The following ADAT2 variants were observed in gnomAD, a reference collection of about 807,000 sequenced individuals.
ADAT2 encodes tRNA-specific adenosine-34 deaminase catalytic subunit ADAT2.
A neutral mutation model predicts 25.9 loss-of-function variants in ADAT2; 26 were observed. The ratio of observed to expected loss-of-function variants is 1.00; its 90% CI spans 0.74 to 1.39. ADAT2 has a LOEUF of 1.39. Ranked by LOEUF, ADAT2 falls within the 40% of genes most tolerant of loss-of-function variation. The pLI, the probability that ADAT2 is intolerant of heterozygous loss-of-function variation, is 0.00. For synonymous variants in ADAT2, 76 were observed against 86.8 expected (o/e 0.88, Z 0.69); for missense variants, 220 against 244.8 (o/e 0.90, Z 0.68).
At chr6:143,430,429 C>G (rs946438019) in intron 4 of ADAT2, among the ~76,000 whole-genome samples, 1 of 152,146 alleles carries the variant, frequency 6.6e-6, no homozygotes, top group African/African-American at 2.4e-5. Flanking sequence ...AACGGGCAGT[C>G]CGGGATGAGA....
Position 143,450,683 on chromosome 6 carries a change from G to A in ADAT2, c.-25C>T. 1 of 1,609,558 alleles carries A rather than the reference G, an allele frequency of 6.2e-7. No individual in the cohort carries two copies. The highest frequency in any genetic ancestry group is 8.5e-7 in the Non-Finnish European group (1 of 1,178,576). On this transcript the variant is annotated 5_prime_UTR_variant, in exon 1 of 6. Coordinates refer to ENST00000237283, the MANE Select transcript of ADAT2 (RefSeq NM_182503.3). Reference sequence around the variant, plus strand: ...TACCCAGCCACCACTCAGCTACAGAGCCCGCGGCAGAGGAGGAGCGCGGGC... The same window carrying A: ...TACCCAGCCACCACTCAGCTACAGAACCCGCGGCAGAGGAGGAGCGCGGGC...
At chr6:143,449,390 A>G (rs1194145101) in intron 1 of ADAT2, among the ~76,000 whole-genome samples, 9 of 152,194 alleles carry the variant, frequency 5.9e-5, no homozygotes, top group Non-Finnish European at 1.0e-4. Flanking sequence ...AGATGTTTTC[A>G]AAGAATTTCT....
chr6:143,438,463 A>G (rs758805605), intron 2 of ADAT2, 127 bp downstream of exon 2: 4 of 558,958 alleles, frequency 7.2e-6, no homozygotes, highest in Non-Finnish European at 1.2e-5. Flanking sequence ...AGACGTTAAG[A>G]AAAGCTACCC....
chr6:143,439,108 T>C (rs1370584728), intron 1 of ADAT2, among the ~76,000 whole-genome samples: 1 of 152,098 alleles, frequency 6.6e-6, no homozygotes, highest in African/African-American at 2.4e-5. Flanking sequence ...CCTTTGCTTC[T>C]CTAAAAATTA....
At chr6:143,431,134 C>A (rs1378905266) in intron 4 of ADAT2, among the ~76,000 whole-genome samples, 1 of 152,202 alleles carries the variant, frequency 6.6e-6, no homozygotes, top group African/African-American at 2.4e-5. Context: ...TTTAAAAAAA[C>A]CATAATTTGG....
chr6:143,450,572 C>T lies in ADAT2; in HGVS notation c.87G>A (p.Ala29=), dbSNP rs2128744703. ...CTCCCGGGCTCCTCACCATGTGCAT[C>T]GCCTCCTCCATCCACTTTTCGGTCT... ...AEETEKWMEE[A]MHMAKEALEN... is the part of the protein sequence containing the mutation. Residue 29 remains alanine (A), a synonymous_variant, in exon 1 of 6, where the codon GCG becomes GCA. Coordinates refer to ENST00000237283, the MANE Select transcript of ADAT2 (RefSeq NM_182503.3). 1 of 1,614,122 alleles carries T rather than the reference C, an allele frequency of 6.2e-7. No homozygotes were observed. Among genetic ancestry groups the T allele is most frequent in the Non-Finnish European group, 8.5e-7 (1 of 1,180,024 alleles).
chr6:143,433,803 T>A, intron 3 of ADAT2, 28 bp downstream of exon 3: 1 of 1,610,558 alleles, frequency 6.2e-7, no homozygotes, highest in Non-Finnish European at 8.5e-7. Context: ...AATGGTACGA[T>A]ACATTAACTC....
chr6:143,449,079 C>A (rs1237831096), intron 1 of ADAT2, among the ~76,000 whole-genome samples: 6 of 151,476 alleles, frequency 4.0e-5, no homozygotes, highest in Non-Finnish European at 7.4e-5. Context: ...CAGGGTCTGG[C>A]TCTGTCTCCC....
In ADAT2 at chr6:143,444,325, A is replaced by G. The variant is rs886500831; in HGVS notation, c.97-5631T>C. ...CCTGCCATGCTGAGGATGAGTGGGT[A>G]AGCAACTGGAATGGTAGGCAGGGGA... is the stretch of plus-strand genomic sequence containing the variant. On this transcript the variant is annotated intron_variant, in intron 1 of 5. Transcript: ENST00000237283. The surrounding 1 kb of genome is among the most constrained non-coding windows in gnomAD (Gnocchi z 4.3). 6.6e-6 allele frequency among the ~76,000 whole-genome samples: 1 copy of G among 152,162 alleles called. No homozygotes were observed. Among genetic ancestry groups the G allele is most frequent in the Non-Finnish European group, 1.5e-5 (1 of 68,028 alleles).
rs1778865238 is a variant in ADAT2, at chr6:143,424,198, T to G, written c.*4265A>C. ...CAAAATTAGCAATTTACAAAGGAAA[T>G]AGTTGGCAGTTGTCTTCATAGATGA... On this transcript the variant is annotated 3_prime_UTR_variant, in exon 6 of 6. Transcript: ENST00000237283. This position sits in a 1 kb window ranked among gnomAD's most constrained non-coding sequence, Gnocchi z 4.8. 6.6e-6 allele frequency: 1 copy of G among 152,146 alleles called. No homozygotes were observed. Among genetic ancestry groups the G allele is most frequent in the Admixed American group, 6.5e-5 (1 of 15,278 alleles). 9.4% of individuals were successfully genotyped at this position (152,146 alleles called of 1,614,324 possible). A position where few individuals can be genotyped will look rare whatever the true frequency, so the allele number is the denominator to read the frequency against.
rs1779000632 is a variant in ADAT2, at chr6:143,428,358, T to C, written c.*105A>G. ...ATGAGAGACACCATTTTCCTGCAGA[T>C]TAAAAACAATATATAAACATATGAT... On this transcript the variant is annotated 3_prime_UTR_variant, in exon 6 of 6. Coordinates refer to ENST00000237283, the MANE Select transcript of ADAT2 (RefSeq NM_182503.3). The surrounding 1 kb of genome is among the most constrained non-coding windows in gnomAD (Gnocchi z 5.0). The C allele has an allele frequency of 6.1e-6, 8 of 1,310,730 alleles. No homozygotes were observed. Among genetic ancestry groups the C allele is most frequent in the Admixed American group, 4.4e-5 (2 of 45,306 alleles). The allele number at this position is 1,310,730 out of a possible 1,614,324, so 81.2% of individuals were successfully genotyped here. A position where few individuals can be genotyped will look rare whatever the true frequency, so the allele number is the denominator to read the frequency against.
Position 143,424,527 on chromosome 6 carries a change from C to T in ADAT2, c.*3936G>A, listed in dbSNP as rs1778874734. The T allele has an allele frequency of 6.6e-6, 1 of 152,176 alleles. No individual in the cohort carries two copies. Among genetic ancestry groups the T allele is most frequent in the African/African-American group, 2.4e-5 (1 of 41,446 alleles). The allele number at this position is 152,176 out of a possible 1,614,324, so 9.4% of individuals were successfully genotyped here. Reference sequence around the variant, plus strand: ...ATTTTATGACCAAATGACAACCTACCTAGAGTGTTTATCCCATTGGATCAC... The same window carrying T: ...ATTTTATGACCAAATGACAACCTACTTAGAGTGTTTATCCCATTGGATCAC... On this transcript the variant is annotated 3_prime_UTR_variant, in exon 6 of 6. Coordinates refer to ENST00000237283, the MANE Select transcript of ADAT2 (RefSeq NM_182503.3). The surrounding 1 kb of genome is among the most constrained non-coding windows in gnomAD (Gnocchi z 4.8).
In ADAT2 at chr6:143,432,685, T is replaced by C. The variant is rs1017191811; in HGVS notation, c.353-74A>G. ...TCGTGACAAAATCAGAGTAGGTTTA[T>C]ACCAGCCATCCTGGAGAGGAACGCT... On this transcript the variant is annotated intron_variant, in intron 3 of 5. Transcript: ENST00000237283. The surrounding 1 kb of genome is among the most constrained non-coding windows in gnomAD (Gnocchi z 4.4). The C allele has an allele frequency of 1.1e-5, 15 of 1,418,610 alleles. No homozygotes were observed. The African/African-American group carries it at 1.8e-4, about 17-fold the overall frequency. 87.9% of individuals were successfully genotyped at this position (1,418,610 alleles called of 1,614,324 possible).
At position 143,428,149 on chromosome 6, in the gene ADAT2, T is replaced by C. The variant is rs1778995844; in HGVS notation, c.*314A>G. On this transcript the variant is annotated 3_prime_UTR_variant, in exon 6 of 6. Transcript: ENST00000237283. This position sits in a 1 kb window ranked among gnomAD's most constrained non-coding sequence, Gnocchi z 5.0. The stretch of plus-strand genomic sequence containing the variant: ...GTCTGGCCACACATTCTCTAAGAAG[T>C]CAGCACTTGCCTGGACTGGGCACTT... 3.3e-6 allele frequency: 1 copy of C among 307,080 alleles called. No individual in the cohort carries two copies. Among genetic ancestry groups the C allele is most frequent in the South Asian group, 5.5e-5 (1 of 18,132 alleles). 19.0% of individuals were successfully genotyped at this position (307,080 alleles called of 1,614,324 possible). A position where few individuals can be genotyped will look rare whatever the true frequency, so the allele number is the denominator to read the frequency against.
In ADAT2 at chr6:143,444,913, G is replaced by C; in HGVS notation, c.96+5650C>G. On this transcript the variant is annotated intron_variant, in intron 1 of 5. Transcript: ENST00000237283. This position sits in a 1 kb window ranked among gnomAD's most constrained non-coding sequence, Gnocchi z 4.3. Reference sequence around the variant, plus strand: ...TAGTGATGTCATGATAAAAGGGGGAGAGATGGAAACAGACCTTGTTTGCAC... The same window carrying C: ...TAGTGATGTCATGATAAAAGGGGGACAGATGGAAACAGACCTTGTTTGCAC... 1.5e-6 allele frequency: 2 copies of C among 1,299,440 alleles called. No individual in the cohort carries two copies. Among genetic ancestry groups the C allele is most frequent in the Non-Finnish European group, 2.0e-6 (2 of 986,018 alleles). 80.5% of individuals were successfully genotyped at this position (1,299,440 alleles called of 1,614,324 possible).
At chr6:143,431,640 G>A (rs1015906251) in intron 4 of ADAT2, among the ~76,000 whole-genome samples, 2 of 152,124 alleles carry the variant, frequency 1.3e-5, no homozygotes, top group East Asian at 1.9e-4. Flanking sequence ...ACTCAAGAAC[G>A]TTTTAAAAAC....
At chr6:143,438,744 G>A (rs1166665581) in intron 1 of ADAT2, 50 bp from the exon 2 acceptor site, 4 of 1,435,222 alleles carry the variant, frequency 2.8e-6, no homozygotes, top group Non-Finnish European at 3.9e-6. Flanking sequence ...TACTTGAAGA[G>A]AGTATAGGAG....
Position 143,425,416 on chromosome 6 carries a change from G to A in ADAT2, c.*3047C>T, listed in dbSNP as rs888707264. The A allele has an allele frequency of 6.5e-6, 1 of 152,714 alleles. No individual in the cohort carries two copies. Among genetic ancestry groups the A allele is most frequent in the East Asian group, 1.9e-4 (1 of 5,292 alleles). The allele number at this position is 152,714 out of a possible 1,614,324, so 9.5% of individuals were successfully genotyped here. A position where few individuals can be genotyped will look rare whatever the true frequency, so the allele number is the denominator to read the frequency against. ...GTCTGTGGTCCCAGCTACTCAGGAG[G>A]CTGAGGAGGAAGGATTGCTTGAGCC... On this transcript the variant is annotated 3_prime_UTR_variant, in exon 6 of 6. Transcript: ENST00000237283.
intron 3 of ADAT2, among the ~76,000 whole-genome samples, chr6:143,433,628 T>C (rs1275224931): frequency 6.6e-6 from 1 of 152,226 alleles, no homozygotes; most frequent in Non-Finnish European, 1.5e-5. Flanking sequence ...ATTTGTTTAA[T>C]CATTCCATGT....
Sources: gnomAD v4.1 joint callset for allele counts (sites outside exome capture counted in the v4.1 genomes callset) on GRCh38, gnomAD v4.1.1 for gene constraint, Gnocchi (gnomAD v3.1) non-coding constraint, MANE v1.5 for transcripts, NCBI Gene and HGNC (gene_info 2026-07-23, HGNC 2026-07-21) for gene names.